The following RGS6 variants were observed in gnomAD, a reference collection of about 807,000 sequenced individuals.
RGS6 encodes the protein regulator of G protein signaling 6, also known as regulator of G-protein signaling 6.
Under a neutral mutation model 78.5 loss-of-function variants are expected in RGS6, and 30 were observed. The observed-to-expected ratio is 0.38, with a 90% CI of 0.29 to 0.52. The LOEUF is 0.52. RGS6 is among the 20% of genes least tolerant of loss of function. RGS6 has a pLI of 0.85. For missense variants in RGS6, 495 were observed against 609.7 expected (o/e 0.81, Z 1.98); for synonymous variants, 206 against 206.0 (o/e 1.00, Z 0.00).
At chr14:72,445,527 C>T (rs1295772339) in intron 3 of RGS6, among the ~76,000 whole-genome samples, 1 of 151,686 alleles carries the variant, frequency 6.6e-6, no homozygotes, top group Non-Finnish European at 1.5e-5. Flanking sequence ...AGACCCTGAA[C>T]CTTTCCTCTA....
intron 12 of RGS6, among the ~76,000 whole-genome samples, chr14:72,491,772 G>A (rs1351115892): frequency 6.6e-6 from 1 of 152,164 alleles, no homozygotes; most frequent in Non-Finnish European, 1.5e-5. Flanking sequence ...ATGTGACAAA[G>A]TGAGCCAGTT....
intron 2 of RGS6, among the ~76,000 whole-genome samples, chr14:72,241,679 A>G (rs1465465816): frequency 7.9e-5 from 12 of 152,260 alleles, no homozygotes; most frequent in Admixed American, 7.9e-4. Flanking sequence ...TGTCCTTGCA[A>G]ATAATAGATA....
intron 2 of RGS6, among the ~76,000 whole-genome samples, chr14:72,077,780 C>T (rs531988070): frequency 1.4e-4 from 21 of 152,206 alleles, no homozygotes; most frequent in South Asian, 6.2e-4. Flanking sequence ...TTAAACATCA[C>T]GTAAAGTTTC....
chr14:71,874,337 C>T, the RGS6 span, among the ~76,000 whole-genome samples: 1 of 151,980 alleles, frequency 6.6e-6, no homozygotes, highest in Non-Finnish European at 1.5e-5. Flanking sequence ...GTTTGTAGTT[C>T]TCCTTGAAGA....
intron 2 of RGS6, among the ~76,000 whole-genome samples, chr14:72,167,528 T>A (rs1370649608): frequency 6.6e-6 from 1 of 152,206 alleles, no homozygotes; most frequent in South Asian, 2.1e-4. Context: ...CTCCATACCA[T>A]CTGAACATTT....
At chr14:72,062,631 G>A (rs2093949864) in intron 2 of RGS6, among the ~76,000 whole-genome samples, 1 of 152,198 alleles carries the variant, frequency 6.6e-6, no homozygotes, top group African/African-American at 2.4e-5. Flanking sequence ...TTTGGCCTGA[G>A]CATCTGATTG....
At chr14:72,101,004 C>T (rs1314726024) in intron 2 of RGS6, among the ~76,000 whole-genome samples, 1 of 152,144 alleles carries the variant, frequency 6.6e-6, no homozygotes, top group Admixed American at 6.5e-5. Context: ...ACCAAAAATA[C>T]AAACATTAGC....
chr14:72,098,851 A>T (rs1403993784), intron 2 of RGS6, among the ~76,000 whole-genome samples: 1 of 152,156 alleles, frequency 6.6e-6, no homozygotes, highest in East Asian at 1.9e-4. Context: ...AATGTCTATC[A>T]TATGTGCTGC....
the RGS6 span, among the ~76,000 whole-genome samples, chr14:71,900,259 C>T: frequency 6.6e-6 from 1 of 152,192 alleles, no homozygotes; most frequent in Admixed American, 6.5e-5. Context: ...AGTTTTCTGG[C>T]TACCTCAGGC....
At chr14:71,926,477 G>A in the RGS6 span, among the ~76,000 whole-genome samples, 77 of 151,880 alleles carry the variant, frequency 5.1e-4, no homozygotes, top group African/African-American at 1.8e-3. Context: ...CCAGCTGCTT[G>A]GGAGGCTGAG....
chr14:72,028,097 G>A (rs1230431006), intron 2 of RGS6, among the ~76,000 whole-genome samples: 1 of 152,214 alleles, frequency 6.6e-6, no homozygotes, highest in Non-Finnish European at 1.5e-5. Flanking sequence ...TTTTGTGTGG[G>A]CAGGTAGGCT....
intron 2 of RGS6, among the ~76,000 whole-genome samples, chr14:72,067,124 G>A (rs565326769): frequency 2.4e-4 from 37 of 152,202 alleles, no homozygotes; most frequent in African/African-American, 7.7e-4. Context: ...ATAAACATAC[G>A]TGTGCATGTG....
At chr14:71,946,164 A>G (rs1159202361) in intron 1 of RGS6, among the ~76,000 whole-genome samples, 3 of 152,124 alleles carry the variant, frequency 2.0e-5, no homozygotes, top group African/African-American at 4.8e-5. Context: ...TCAGGATAGC[A>G]GGTAGTTTAG....
intron 2 of RGS6, among the ~76,000 whole-genome samples, chr14:72,006,101 C>G (rs2084500268): frequency 6.6e-6 from 1 of 152,076 alleles, no homozygotes; most frequent in African/African-American, 2.4e-5. Flanking sequence ...CAAATGCTTC[C>G]TATAGGCAGG....
intron 3 of RGS6, among the ~76,000 whole-genome samples, chr14:72,362,358 A>C (rs1229728645): frequency 6.6e-6 from 1 of 152,226 alleles, no homozygotes; most frequent in Non-Finnish European, 1.5e-5. Flanking sequence ...CTATTTCTGT[A>C]TAACAAACCC....
chr14:72,498,982 C>T (rs1055892194), intron 13 of RGS6, among the ~76,000 whole-genome samples: 2 of 152,182 alleles, frequency 1.3e-5, no homozygotes, highest in Non-Finnish European at 2.9e-5. Flanking sequence ...CCCTCTCTTA[C>T]AGTGAGACAG....
the RGS6 span, among the ~76,000 whole-genome samples, chr14:71,896,549 C>A: frequency 6.6e-6 from 1 of 152,144 alleles, no homozygotes; most frequent in African/African-American, 2.4e-5. Flanking sequence ...CTTGTGCCAA[C>A]CTTCTATCTC....
At chr14:72,454,819 CAAT>C (rs2095588691) in intron 4 of RGS6, among the ~76,000 whole-genome samples, 1 of 152,150 alleles carries the variant, frequency 6.6e-6, no homozygotes, top group African/African-American at 2.4e-5. Flanking sequence ...GAGCCCAATA[CAAT>C]AATGTGTGAA....
chr14:71,887,496 T>C, the RGS6 span, among the ~76,000 whole-genome samples: 79,570 of 151,488 alleles, frequency 0.53, 23,891 homozygotes, highest in Non-Finnish European at 0.67. Context: ...GGAATATTAA[T>C]ATTAATACCC....
Sources: gnomAD v4.1 joint callset for allele counts (sites outside exome capture counted in the v4.1 genomes callset) on GRCh38, gnomAD v4.1.1 for gene constraint, MANE v1.5 for transcripts, NCBI Gene and HGNC (gene_info 2026-07-23, HGNC 2026-07-21) for gene names.